Variants in FOXN2 observed in about 807,000 individuals in gnomAD.
The protein encoded by FOXN2 is forkhead box N2.
Under a neutral mutation model 41.2 loss-of-function variants are expected in FOXN2, and 19 were observed. That is an observed-to-expected ratio of 0.46 (90% confidence interval 0.32 to 0.68). The LOEUF is 0.68. Among genes scored for constraint, FOXN2 ranks in the 30% least tolerant of loss-of-function variants. The pLI, the probability that FOXN2 is intolerant of heterozygous loss-of-function variation, is 0.03. For missense variants in FOXN2, 587 were observed against 509.4 expected, an observed-to-expected ratio of 1.15 and a Z score of -1.47; for synonymous variants, 195 against 176.8, an observed-to-expected ratio of 1.10 and a Z score of -0.82.
intron 1 of FOXN2, among the ~76,000 whole-genome samples, chr2:48,316,255 T>C (rs1249234802): frequency 6.6e-6 from 1 of 152,202 alleles, no homozygotes; most frequent in Non-Finnish European, 1.5e-5. Context: ...CTCTGCTGTT[T>C]TGTTGATCCA....
chr2:48,316,472 A>G (rs1668926989), intron 1 of FOXN2, among the ~76,000 whole-genome samples: 1 of 152,204 alleles, frequency 6.6e-6, no homozygotes, highest in Non-Finnish European at 1.5e-5. Flanking sequence ...CTTTTTACAT[A>G]AAAATTGTGA....
intron 1 of FOXN2, among the ~76,000 whole-genome samples, chr2:48,322,658 A>G (rs148472839): frequency 6.7e-6 from 1 of 150,308 alleles, no homozygotes; most frequent in South Asian, 2.1e-4. Flanking sequence ...TTTCCCTTTT[A>G]TTTTAAATTC....
chr2:48,332,904 A>G (rs918240437), intron 2 of FOXN2, among the ~76,000 whole-genome samples: 6 of 152,192 alleles, frequency 3.9e-5, no homozygotes, highest in Non-Finnish European at 8.8e-5. Context: ...AAGCCAAGCA[A>G]TATTTCTTCA....
chr2:48,327,113 C>A (rs1360711538), intron 1 of FOXN2, among the ~76,000 whole-genome samples: 1 of 152,002 alleles, frequency 6.6e-6, no homozygotes, highest in Admixed American at 6.6e-5. Flanking sequence ...CTGAACTTTA[C>A]GTCACGTATA....
At chr2:48,338,977 A>G (rs527939998) in intron 2 of FOXN2, among the ~76,000 whole-genome samples, 20 of 152,286 alleles carry the variant, frequency 1.3e-4, no homozygotes, top group African/African-American at 4.6e-4. Flanking sequence ...TTAGTATCCA[A>G]ACATTACAAA....
At chr2:48,332,646 A>G (rs1670087096) in intron 2 of FOXN2, among the ~76,000 whole-genome samples, 1 of 152,182 alleles carries the variant, frequency 6.6e-6, no homozygotes, top group African/African-American at 2.4e-5. Flanking sequence ...CCTGATTTTT[A>G]TATTTGGAGG....
intron 2 of FOXN2, among the ~76,000 whole-genome samples, chr2:48,344,682 G>T (rs977988539): frequency 2.6e-5 from 4 of 152,134 alleles, no homozygotes; most frequent in African/African-American, 9.7e-5. Context: ...TACTTCTGGT[G>T]GTAGCTCCCA....
chr2:48,373,220 G>C, intron 5 of FOXN2, 72 bp from the exon 6 acceptor site: 1 of 1,043,826 alleles, frequency 9.6e-7, no homozygotes, highest in Non-Finnish European at 1.4e-6. Flanking sequence ...GTTATCTTCA[G>C]GGGCATGCAA....
intron 1 of FOXN2, among the ~76,000 whole-genome samples, chr2:48,316,042 T>C (rs1668894152): frequency 6.6e-6 from 1 of 152,118 alleles, no homozygotes; most frequent in African/African-American, 2.4e-5. Flanking sequence ...CGGCTGAGTG[T>C]AATAGAGTGC....
Position 48,378,415 on chromosome 2 carries a change from A to G in FOXN2, c.*2972A>G, listed in dbSNP as rs1004069272. 1 of 150,856 alleles carries G rather than the reference A, an allele frequency of 6.6e-6. No individual in the cohort carries two copies. The highest frequency in any genetic ancestry group is 1.5e-5 in the Non-Finnish European group (1 of 67,710). The allele number at this position is 150,856 out of a possible 1,614,324, so 9.3% of individuals were successfully genotyped here. A position where few individuals can be genotyped will look rare whatever the true frequency, so the allele number is the denominator to read the frequency against. ...TTTTCTTTTTGCTACTTTCTGAGGCATTATGTAAAGGGCTCATACTAGATG... is the reference window on the plus strand; with the variant it reads ...TTTTCTTTTTGCTACTTTCTGAGGCGTTATGTAAAGGGCTCATACTAGATG... On this transcript the variant is annotated 3_prime_UTR_variant, in exon 7 of 7. Transcript: ENST00000340553.
At chr2:48,370,559 C>T (rs1322915155) in intron 5 of FOXN2, among the ~76,000 whole-genome samples, 1 of 152,138 alleles carries the variant, frequency 6.6e-6, no homozygotes, top group Admixed American at 6.5e-5. Context: ...TCCCTTTCCT[C>T]TTAATTTTTT....
In FOXN2 at chr2:48,376,043, A is replaced by C. The variant is rs1673229802; in HGVS notation, c.*600A>C. The C allele has an allele frequency of 6.6e-6, 1 of 152,362 alleles. No homozygotes were observed. Among genetic ancestry groups the C allele is most frequent in the African/African-American group, 2.4e-5 (1 of 41,454 alleles). 9.4% of individuals were successfully genotyped at this position (152,362 alleles called of 1,614,324 possible). On this transcript the variant is annotated 3_prime_UTR_variant, in exon 7 of 7. Transcript: ENST00000340553. ...TACGTAGGTAGAGAATACAACAAAG[A>C]GTTCTAAGACTTAGAAAAGACAATT...
intron 1 of FOXN2, among the ~76,000 whole-genome samples, chr2:48,327,921 TAG>T (rs1669785817): frequency 6.6e-6 from 1 of 152,216 alleles, no homozygotes; most frequent in Admixed American, 6.5e-5. Flanking sequence ...AACCAATCAG[TAG>T]AGAGTCCTAA....
intron 4 of FOXN2, 147 bp downstream of exon 4, chr2:48,359,294 T>A (rs1572759384): frequency 1.6e-6 from 1 of 629,124 alleles, no homozygotes; most frequent in Non-Finnish European, 2.7e-6. Flanking sequence ...TTTTAGTTTT[T>A]GTTTTTGTTT....
intron 5 of FOXN2, among the ~76,000 whole-genome samples, chr2:48,371,983 C>G (rs1044292582): frequency 5.9e-5 from 9 of 152,116 alleles, no homozygotes; most frequent in Admixed American, 5.2e-4. Flanking sequence ...CAAACAGGGA[C>G]GTTTGACTTC....
intron 2 of FOXN2, among the ~76,000 whole-genome samples, chr2:48,343,164 G>A (rs937138639): frequency 6.6e-6 from 1 of 152,070 alleles, no homozygotes; most frequent in African/African-American, 2.4e-5. Flanking sequence ...ACTTAGCCTC[G>A]TTTATAATTT....
chr2:48,349,100 G>A (rs1420039391), intron 3 of FOXN2, among the ~76,000 whole-genome samples: 2 of 152,088 alleles, frequency 1.3e-5, no homozygotes, highest in Admixed American at 6.6e-5. Flanking sequence ...GTAGCAAAAT[G>A]TACTCTTTAA....
chr2:48,331,950 C>T (rs1313655412), intron 2 of FOXN2, among the ~76,000 whole-genome samples: 1 of 151,708 alleles, frequency 6.6e-6, no homozygotes, highest in African/African-American at 2.4e-5. Flanking sequence ...TGAAATTAAC[C>T]GTGTTATTTA....
At chr2:48,347,275 G>A (rs993632622) in intron 3 of FOXN2, among the ~76,000 whole-genome samples, 2 of 131,892 alleles carry the variant, frequency 1.5e-5, no homozygotes, top group Non-Finnish European at 3.1e-5. Context: ...CACCCAGCCT[G>A]GAGTACAGTG....
Sources: allele counts gnomAD v4.1 joint callset (sites outside exome capture counted in the v4.1 genomes callset), GRCh38; gene constraint gnomAD v4.1.1; transcripts MANE v1.5; gene names NCBI Gene and HGNC (gene_info 2026-07-23, HGNC 2026-07-21).